The following BRWD1 variants were observed in gnomAD, a reference collection of about 807,000 sequenced individuals.
BRWD1 encodes the protein bromodomain and WD repeat domain containing 1.
In BRWD1, 82 loss-of-function variants were observed where a neutral mutation model predicts 251.2. The observed-to-expected ratio is 0.33, with a 90% CI of 0.27 to 0.39. BRWD1 has a LOEUF of 0.39. BRWD1 is among the 10% of genes least tolerant of loss of function. The pLI is 1.00. For synonymous variants in BRWD1, 918 were observed against 902.8 expected, an observed-to-expected ratio of 1.02 and a Z score of -0.30; for missense variants, 2,233 against 2,711.6, an observed-to-expected ratio of 0.82 and a Z score of 3.92.
intron 5 of BRWD1, chr21:39,296,581 A>G (rs2035967646): frequency 1.7e-5 from 20 of 1,164,868 alleles, no homozygotes; most frequent in Non-Finnish European, 2.1e-5. Flanking sequence ...ACATTTGTGT[A>G]GCACTTTACA....
chr21:39,272,827 G>A (rs2035162413), intron 13 of BRWD1, among the ~76,000 whole-genome samples: 1 of 152,000 alleles, frequency 6.6e-6, no homozygotes, highest in Non-Finnish European at 1.5e-5. Context: ...GGCCAGGCTA[G>A]TCTCGATATC....
chr21:39,246,355 A>G (rs897299280), intron 21 of BRWD1, among the ~76,000 whole-genome samples: 2 of 152,244 alleles, frequency 1.3e-5, no homozygotes, highest in African/African-American at 4.8e-5. Flanking sequence ...ATAAAATGGA[A>G]TAATAACAAT....
At chr21:39,201,700 A>AC (rs749121151) in intron 38 of BRWD1, among the ~76,000 whole-genome samples, 26 of 152,150 alleles carry the variant, frequency 1.7e-4, no homozygotes, top group Non-Finnish European at 3.5e-4. Context: ...ATACACATGA[A>AC]CTTGCTTGTC....
chr21:39,263,344 C>CA (rs1394095334), intron 17 of BRWD1, among the ~76,000 whole-genome samples: 1 of 151,922 alleles, frequency 6.6e-6, no homozygotes, highest in Non-Finnish European at 1.5e-5. Flanking sequence ...GCTATTAACA[C>CA]AAAAAAGAAC....
intron 37 of BRWD1, among the ~76,000 whole-genome samples, chr21:39,203,190 C>G (rs976108361): frequency 5.9e-5 from 9 of 152,144 alleles, no homozygotes; most frequent in African/African-American, 1.9e-4. Context: ...GCCGAACATG[C>G]CTGTAATCCC....
In BRWD1 at chr21:39,232,465, T is replaced by C. The variant is rs752255201; in HGVS notation, c.2800A>G (p.Asn934Asp). The C allele has an allele frequency of 1.4e-5, 22 of 1,586,960 alleles. No individual in the cohort carries two copies. In the South Asian group the frequency reaches 2.6e-4, roughly 19 times the overall value. The change falls in exon 24 of 41, where the codon AAT becomes GAT. Residue 934 changes from asparagine to aspartate, a missense_variant. Coordinates refer to ENST00000342449, the MANE Select transcript of BRWD1 (RefSeq NM_033656.4). The stretch of plus-strand genomic sequence containing the variant: ...TGAAATTCATATAAATGCTCCATAT[T>C]TGCAAGCTCTGCTGGAGTCATCCTC... ...LRRMTPAELA[N>D]MEHLYEFHPP...
Position 39,186,801 on chromosome 21 carries a change from C to T in BRWD1, c.*9458G>A, listed in dbSNP as rs2031259992. The T allele has an allele frequency of 3.6e-6, 2 of 561,064 alleles. No homozygotes were observed. Among genetic ancestry groups the T allele is most frequent in the Admixed American group, 4.2e-5 (1 of 23,612 alleles). 34.8% of individuals were successfully genotyped at this position (561,064 alleles called of 1,614,324 possible). A position where few individuals can be genotyped will look rare whatever the true frequency, so the allele number is the denominator to read the frequency against. ...TAGCAGGCCATTTGTCTTTTCTTTC[C>T]ACCTCTCCACCTACAGACTCTGCAA... On this transcript the variant is annotated 3_prime_UTR_variant, in exon 41 of 41. Coordinates refer to ENST00000342449, the MANE Select transcript of BRWD1 (RefSeq NM_033656.4).
chr21:39,259,079 A>G (rs1052744231), intron 17 of BRWD1, among the ~76,000 whole-genome samples: 2 of 152,138 alleles, frequency 1.3e-5, no homozygotes, highest in Non-Finnish European at 2.9e-5. Context: ...AATCCCTGAG[A>G]TTTAATTTCT....
chr21:39,197,193 T>C lies in BRWD1; in HGVS notation c.5876A>G (p.Asn1959Ser). The change falls in exon 41 of 41, where the codon AAT (asparagine) becomes AGT (serine). Residue 1959 changes from asparagine to serine, a missense_variant. Asn to Ser is a conservative substitution (Grantham distance 46). Around this residue, in one of 12 missense-constraint regions of BRWD1, gnomAD observed 928 missense variants for 970.0 expected, o/e 0.96. Transcript: ENST00000342449. ...SLENVHTRSKNGRKKPLHLAC... is the reference protein window; with the variant it reads ...SLENVHTRSKSGRKKPLHLAC... ...AAGATGGAGAGGTTTTTTCCTTCCA[T>C]TTTTGCTTCTAGTGTGCACATTTTC... 1.2e-6 allele frequency: 2 copies of C among 1,614,114 alleles called. No homozygotes were observed. Among genetic ancestry groups the C allele is most frequent in the Non-Finnish European group, 1.7e-6 (2 of 1,179,950 alleles).
chr21:39,304,454 A>AT (rs1433514320), intron 4 of BRWD1, among the ~76,000 whole-genome samples: 2 of 151,680 alleles, frequency 1.3e-5, no homozygotes, highest in Admixed American at 1.3e-4. Flanking sequence ...AGAAAAAAAA[A>AT]TTTTTTTTAA....
intron 36 of BRWD1, 121 bp downstream of exon 36, chr21:39,209,874 T>C: frequency 2.2e-6 from 2 of 910,850 alleles, no homozygotes; most frequent in African/African-American, 1.7e-5. Context: ...TATTCACTTA[T>C]CTTTAATGTT....
intron 8 of BRWD1, among the ~76,000 whole-genome samples, chr21:39,292,592 T>C (rs1051350590): frequency 6.6e-6 from 1 of 152,142 alleles, no homozygotes; most frequent in Non-Finnish European, 1.5e-5. Flanking sequence ...GTGATTCTCA[T>C]GCACATTAAA....
At chr21:39,275,044 C>CA (rs1285916420) in intron 12 of BRWD1, among the ~76,000 whole-genome samples, 41 of 137,660 alleles carry the variant, frequency 3.0e-4, no homozygotes, top group Middle Eastern at 3.7e-3. Context: ...GACTCCGTCT[C>CA]AAAAAAAAAT....
At chr21:39,282,972 A>AAG (rs1555874690) in intron 8 of BRWD1, among the ~76,000 whole-genome samples, 1 of 151,660 alleles carries the variant, frequency 6.6e-6, no homozygotes, top group African/African-American at 2.4e-5. Context: ...AAAAAAAAAA[A>AAG]AAAAGGAATT....
In BRWD1 at chr21:39,194,261, T is replaced by C. The variant is rs1228748979; in HGVS notation, c.*1998A>G. Reference sequence around the variant, plus strand: ...TATGAATGTATTCCATATTTATTTATGGATTTTTTTGGTACCTTTTTGCAA... The same window carrying C: ...TATGAATGTATTCCATATTTATTTACGGATTTTTTTGGTACCTTTTTGCAA... On this transcript the variant is annotated 3_prime_UTR_variant, in exon 41 of 41. Coordinates refer to ENST00000342449, the MANE Select transcript of BRWD1 (RefSeq NM_033656.4). 5.1e-6 allele frequency: 5 copies of C among 988,630 alleles called. No individual in the cohort carries two copies. The highest frequency in any genetic ancestry group is 4.8e-6 in the Non-Finnish European group (4 of 830,492). 61.2% of individuals were successfully genotyped at this position (988,630 alleles called of 1,614,324 possible).
intron 37 of BRWD1, 144 bp from the exon 38 acceptor site, chr21:39,202,689 ACAT>A: frequency 1.6e-6 from 1 of 612,860 alleles, no homozygotes; most frequent in South Asian, 2.4e-5. Context: ...TTCACTATTA[ACAT>A]TTTATTCTGG....
chr21:39,245,585 A>C (rs1348658404), intron 21 of BRWD1, among the ~76,000 whole-genome samples: 1 of 142,806 alleles, frequency 7.0e-6, no homozygotes, highest in African/African-American at 2.6e-5. Context: ...TGTAGTATTA[A>C]ATACTTTTTT....
chr21:39,207,027 C>T (rs1032370581), intron 36 of BRWD1, among the ~76,000 whole-genome samples: 3 of 152,224 alleles, frequency 2.0e-5, no homozygotes, highest in African/African-American at 4.8e-5. Context: ...GTGAGATATA[C>T]GAATTTCTTA....
intron 31 of BRWD1, among the ~76,000 whole-genome samples, 162 bp downstream of exon 31, chr21:39,217,990 A>C (rs1331517930): frequency 6.6e-6 from 1 of 152,150 alleles, no homozygotes; most frequent in Non-Finnish European, 1.5e-5. Flanking sequence ...CCCTACCCAC[A>C]CCTACCCATA....
Sources: gnomAD v4.1 joint callset for allele counts (sites outside exome capture counted in the v4.1 genomes callset) on GRCh38, gnomAD v4.1.1 for gene constraint, gnomAD v4.1.1 regional missense constraint, MANE v1.5 for transcripts, NCBI Gene and HGNC (gene_info 2026-07-23, HGNC 2026-07-21) for gene names.